MYH15: variants seen among roughly 807,000 people sequenced by gnomAD.
MYH15 encodes myosin heavy chain 15.
A neutral mutation model predicts 240.5 loss-of-function variants in MYH15; 227 were observed. That is an observed-to-expected ratio of 0.94 (90% CI 0.85 to 1.05). The LOEUF (loss-of-function observed/expected upper bound fraction) is 1.05, where lower values mean the gene tolerates loss of function less well. Among genes scored for constraint, MYH15 ranks in the 50% least tolerant of loss-of-function variants. The pLI is 0.00. For missense variants in MYH15, 2,217 were observed against 2,247.5 expected, an observed-to-expected ratio of 0.99 and a Z score of 0.27; for synonymous variants, 785 against 796.7, an observed-to-expected ratio of 0.99 and a Z score of 0.25.
chr3:108,499,994 G>T (rs1252787802), intron 4 of MYH15, 124 bp downstream of exon 4: 1 of 1,112,656 alleles, frequency 9.0e-7, no homozygotes, highest in South Asian at 1.8e-5. Flanking sequence ...GGAAACAGAG[G>T]CTTCAAGTGA....
chr3:108,461,965 G>A (rs1382676144), intron 16 of MYH15: 1 of 152,180 alleles, frequency 6.6e-6, no homozygotes, highest in East Asian at 1.9e-4. Context: ...TTAAAGAACA[G>A]TTGGTGTACT....
chr3:108,414,430 T>A lies in MYH15; in HGVS notation c.3949-2A>T. ...GGCATGGGCCAGGGCACTCTGGGAC[T>A]GTAGGGGACACACATTAACAAAAAG... On this transcript the variant is annotated splice_acceptor_variant, in intron 29 of 40. Transcript: ENST00000693548. LOFTEE classifies it high-confidence loss of function. 5 of 1,611,656 alleles carry A rather than the reference T, an allele frequency of 3.1e-6. No homozygotes were observed. Among genetic ancestry groups the A allele is most frequent in the Non-Finnish European group, 3.4e-6 (4 of 1,178,608 alleles).
chr3:108,548,415 T>C, the MYH15 span, among the ~76,000 whole-genome samples: 1 of 152,096 alleles, frequency 6.6e-6, no homozygotes. Context: ...AAATGTAACA[T>C]CTAATAGCAA....
At chr3:108,394,204 A>C (rs1467257930) in intron 35 of MYH15, 48 bp from the exon 36 acceptor site, 1 of 1,610,030 alleles carries the variant, frequency 6.2e-7, no homozygotes, top group African/African-American at 1.3e-5. Context: ...CCAGCAATGC[A>C]AATGCAAGCT....
intron 14 of MYH15, among the ~76,000 whole-genome samples, chr3:108,465,686 G>A (rs1240821386): frequency 6.6e-6 from 1 of 152,110 alleles, no homozygotes; most frequent in East Asian, 1.9e-4. Flanking sequence ...CAGCACTTTG[G>A]GAGGCTGAGG....
chr3:108,399,817 A>G (rs1260956738), intron 33 of MYH15, among the ~76,000 whole-genome samples: 1 of 152,186 alleles, frequency 6.6e-6, no homozygotes. Context: ...TTGAGAGTAC[A>G]CCCAAGGATT....
intron 23 of MYH15, 138 bp from the exon 24 acceptor site, chr3:108,440,051 C>G: frequency 1.6e-6 from 1 of 625,850 alleles, no homozygotes; most frequent in Non-Finnish European, 2.5e-6. Flanking sequence ...AGCCAAATTC[C>G]TGATACGCTT....
intron 1 of MYH15, among the ~76,000 whole-genome samples, chr3:108,519,802 T>C (rs780863629): frequency 2.6e-5 from 4 of 152,166 alleles, no homozygotes; most frequent in Non-Finnish European, 5.9e-5. Flanking sequence ...ACAAAAGACA[T>C]GCATTAAATA....
intron 31 of MYH15, among the ~76,000 whole-genome samples, chr3:108,410,013 G>A (rs1027915036): frequency 1.3e-5 from 2 of 152,156 alleles, no homozygotes; most frequent in Non-Finnish European, 2.9e-5. Flanking sequence ...AGTTAAGTGC[G>A]TATATGCTGG....
intron 9 of MYH15, 97 bp downstream of exon 9, chr3:108,492,403 G>T: frequency 1.3e-6 from 1 of 778,452 alleles, no homozygotes; most frequent in Non-Finnish European, 2.0e-6. Context: ...GGTCTAAATA[G>T]GCTAAGAAAC....
At chr3:108,413,901 A>G (rs1270073362) in intron 30 of MYH15, among the ~76,000 whole-genome samples, 1 of 152,206 alleles carries the variant, frequency 6.6e-6, no homozygotes, top group Non-Finnish European at 1.5e-5. Flanking sequence ...AATGAAATAC[A>G]GGGTTTTAAA....
intron 27 of MYH15, among the ~76,000 whole-genome samples, chr3:108,422,956 G>A (rs2082694870): frequency 6.6e-6 from 1 of 152,198 alleles, no homozygotes; most frequent in Admixed American, 6.5e-5. Context: ...TTCATGCTAT[G>A]TTGCAGGACT....
upstream of MYH15, among the ~76,000 whole-genome samples, chr3:108,533,883 T>C (rs1293510759): frequency 6.6e-6 from 1 of 152,184 alleles, no homozygotes; most frequent in African/African-American, 2.4e-5. Flanking sequence ...TGCAGGGGGT[T>C]TAAATACCTC....
chr3:108,460,281 A>T lies in MYH15; in HGVS notation c.1932+19T>A. 1 of 1,560,144 alleles carries T rather than the reference A, an allele frequency of 6.4e-7. No individual in the cohort carries two copies. Among genetic ancestry groups the T allele is most frequent in the Non-Finnish European group, 8.7e-7 (1 of 1,152,292 alleles). ...ATTGTGAGGCAATTAATATATGAAT[A>T]GACGCAATTAAAAATTACTTTATGC... On this transcript the variant is annotated intron_variant, in intron 17 of 40. Coordinates refer to ENST00000693548, the MANE Select transcript of MYH15 (RefSeq NM_014981.3).
In MYH15 at chr3:108,419,898, A is replaced by C. The variant is rs777076658; in HGVS notation, c.3829+1190T>G. Among the ~76,000 whole-genome samples, 41 of 152,218 alleles carry C rather than the reference A, an allele frequency of 2.7e-4. 1 individual carries two copies. Among genetic ancestry groups the C allele is most frequent in the Admixed American group, 1.8e-3 (28 of 15,290 alleles). On this transcript the variant is annotated intron_variant, in intron 28 of 40. Transcript: ENST00000693548. ...TTATTTTCATTGACCTAAGAATTCTATCTCTCAGAATATATTACTAAAACT... is the reference window on the plus strand; with the variant it reads ...TTATTTTCATTGACCTAAGAATTCTCTCTCTCAGAATATATTACTAAAACT...
chr3:108,450,884 G>A (rs1185577322), intron 21 of MYH15, among the ~76,000 whole-genome samples: 2 of 151,820 alleles, frequency 1.3e-5, no homozygotes, highest in Non-Finnish European at 2.9e-5. Flanking sequence ...TAGAAGAAAA[G>A]AAAGAATAAA....
At chr3:108,426,813 A>G (rs1342628139) in intron 27 of MYH15, among the ~76,000 whole-genome samples, 4 of 146,068 alleles carry the variant, frequency 2.7e-5, no homozygotes, top group African/African-American at 5.4e-5. Flanking sequence ...AGCTCCTGCC[A>G]GGGGGGGGCA....
chr3:108,548,050 T>G, the MYH15 span, among the ~76,000 whole-genome samples: 2 of 152,168 alleles, frequency 1.3e-5, no homozygotes, highest in Non-Finnish European at 2.9e-5. Flanking sequence ...GAAGGTTAGC[T>G]ACATAAGCAG....
intron 1 of MYH15, among the ~76,000 whole-genome samples, chr3:108,517,149 A>G (rs758306952): frequency 5.9e-5 from 9 of 152,132 alleles, no homozygotes; most frequent in Non-Finnish European, 1.3e-4. Flanking sequence ...CACAATACAA[A>G]TTGTGAGTAT....
Sources: gnomAD v4.1 joint callset for allele counts (sites outside exome capture counted in the v4.1 genomes callset) on GRCh38, gnomAD v4.1.1 for gene constraint, MANE v1.5 for transcripts, NCBI Gene and HGNC (gene_info 2026-07-23, HGNC 2026-07-21) for gene names.